HUS1: variants seen among roughly 807,000 people sequenced by gnomAD.
HUS1 encodes checkpoint protein HUS1.
A neutral mutation model predicts 32.6 loss-of-function variants in HUS1; 31 were observed. The ratio of observed to expected loss-of-function variants is 0.95; its 90% confidence interval spans 0.72 to 1.28. The LOEUF (loss-of-function observed/expected upper bound fraction) is 1.28, where lower values mean the gene tolerates loss of function less well. HUS1 is among the 50% of genes most tolerant of loss of function. HUS1 has a pLI of 0.00. For synonymous variants in HUS1, 123 were observed against 116.6 expected, an observed-to-expected ratio of 1.06 and a Z score of -0.36; for missense variants, 340 against 337.7, an observed-to-expected ratio of 1.01 and a Z score of -0.05.
intron 7 of HUS1, among the ~76,000 whole-genome samples, chr7:47,965,916 A>T (rs1788468484): frequency 6.6e-6 from 1 of 152,044 alleles, no homozygotes; most frequent in African/African-American, 2.4e-5. Context: ...AATCCAAGGC[A>T]TCAGGCATGC....
rs761494935 is a variant in HUS1 at position 47,979,420 on chromosome 7, C to G, written c.52+48G>C. The G allele has an allele frequency of 2.8e-5, 45 of 1,610,618 alleles. No homozygotes were observed. In the South Asian group the frequency reaches 4.7e-4, roughly 17 times the overall value. On this transcript the variant is annotated intron_variant, in intron 1 of 7. Coordinates refer to ENST00000258774, the MANE Select transcript of HUS1 (RefSeq NM_004507.4). ...CTGCGCGGTCCCCACCGCGCGCTCA[C>G]TGCTTCCTTCCGTTCCTCCCTCGCT...
chr7:47,979,346 C>A (rs1788777114), intron 1 of HUS1, 122 bp downstream of exon 1: 1 of 1,052,872 alleles, frequency 9.5e-7, no homozygotes, highest in South Asian at 1.4e-5. Context: ...CCCATCCCGG[C>A]CCCATCCTCC....
chr7:47,971,741 G>A (rs995908440), intron 5 of HUS1, among the ~76,000 whole-genome samples: 2 of 152,146 alleles, frequency 1.3e-5, no homozygotes, highest in Non-Finnish European at 2.9e-5. Flanking sequence ...GTGCCACCTA[G>A]CAACTGGTCT....
At chr7:47,975,580 T>G in intron 5 of HUS1, 33 bp downstream of exon 5, 1 of 1,440,916 alleles carries the variant, frequency 6.9e-7, no homozygotes, top group Non-Finnish European at 9.8e-7. Flanking sequence ...ACCAAATACT[T>G]CAGAGTTCTT....
At chr7:47,968,648 G>T (rs540501222) in intron 6 of HUS1, among the ~76,000 whole-genome samples, 2 of 152,320 alleles carry the variant, frequency 1.3e-5, no homozygotes, top group Admixed American at 1.3e-4. Context: ...CTACTGTGCA[G>T]CTGCCACTTT....
chr7:47,970,328 C>A (rs1004463366), intron 5 of HUS1, among the ~76,000 whole-genome samples: 1 of 149,858 alleles, frequency 6.7e-6, no homozygotes, highest in Admixed American at 6.7e-5. Flanking sequence ...CATGAGATGA[C>A]CAGAGAGCAC....
chr7:47,978,432 C>G lies in HUS1; in HGVS notation c.342G>C (p.Thr114=). ...TCCTACTCACCAGCTCCACGGAGAC[C>G]GTGAGGCAGGGAAAGTGTTTATTAG... The part of the protein sequence containing the change: ...KLTNKHFPCL[T]VSVELLSMSS... Residue 114 remains threonine (T), a synonymous_variant, in exon 3 of 8, where the codon ACG becomes ACC. Coordinates refer to ENST00000258774, the MANE Select transcript of HUS1 (RefSeq NM_004507.4). 6.2e-7 allele frequency: 1 copy of G among 1,614,062 alleles called. No homozygotes were observed. The highest frequency in any genetic ancestry group is 8.5e-7 in the Non-Finnish European group (1 of 1,179,904).
chr7:47,967,746 T>A (rs1236534224), intron 7 of HUS1, 60 bp downstream of exon 7: 2 of 1,455,438 alleles, frequency 1.4e-6, no homozygotes, highest in Non-Finnish European at 1.9e-6. Context: ...TAGACTAGAG[T>A]TGACTGCAGT....
At chr7:47,972,847 C>T (rs1455398968) in intron 5 of HUS1, among the ~76,000 whole-genome samples, 1 of 152,186 alleles carries the variant, frequency 6.6e-6, no homozygotes, top group East Asian at 1.9e-4. Flanking sequence ...CCCTGCAGAG[C>T]CGTTTCTCAG....
intron 4 of HUS1, chr7:47,976,125 T>C: frequency 2.9e-6 from 1 of 344,714 alleles, no homozygotes; most frequent in East Asian, 7.4e-5. Context: ...GCATCACATC[T>C]GAGACTGTTA....
chr7:47,976,725 C>A lies in HUS1; in HGVS notation c.465+5G>T. 1 of 1,544,328 alleles carries A rather than the reference C, an allele frequency of 6.5e-7. No homozygotes were observed. The highest frequency in any genetic ancestry group is 9.0e-7 in the Non-Finnish European group (1 of 1,116,652). On this transcript the variant is annotated splice_donor_5th_base_variant and intron_variant, in intron 4 of 7. Transcript: ENST00000258774. Reference sequence around the variant, plus strand: ...GTGTACAGCAGGACTGCAGGCATCACCTACATCAGGATCTGGGACCACCGG... The same window carrying A: ...GTGTACAGCAGGACTGCAGGCATCAACTACATCAGGATCTGGGACCACCGG...
At chr7:47,978,620 G>A (rs374106667) in intron 2 of HUS1, 27 bp from the exon 3 acceptor site, 6 of 1,613,346 alleles carry the variant, frequency 3.7e-6, no homozygotes, top group South Asian at 2.2e-5. Context: ...GAGGGATGAG[G>A]GAGGGTATAT....
chr7:47,979,202 G>A (rs939794068), intron 1 of HUS1, among the ~76,000 whole-genome samples: 1 of 152,076 alleles, frequency 6.6e-6, no homozygotes, highest in Non-Finnish European at 1.5e-5. Flanking sequence ...AGCAGTGGCC[G>A]CTTTTTTTTA....
chr7:47,974,779 G>GT (rs1788665801), intron 5 of HUS1, among the ~76,000 whole-genome samples: 2 of 152,274 alleles, frequency 1.3e-5, no homozygotes, highest in African/African-American at 2.4e-5. Context: ...GTCACACACT[G>GT]TAACATTTCG....
chr7:47,977,116 T>G (rs554256144), intron 3 of HUS1, among the ~76,000 whole-genome samples: 70 of 152,106 alleles, frequency 4.6e-4, no homozygotes, highest in African/African-American at 1.6e-3. Context: ...CAAATGAAAC[T>G]GTATGAAATG....
In HUS1 at chr7:47,978,758, A is replaced by C; in HGVS notation, c.111T>G (p.Asp37Glu). The change falls in exon 2 of 8, where the codon GAT becomes GAG. Residue 37 changes from aspartate (D) to glutamate (E), a missense_variant. By Grantham distance (45) the Asp-to-Glu change is conservative. Coordinates refer to ENST00000258774, the MANE Select transcript of HUS1 (RefSeq NM_004507.4). ...TGTCACAAAGGATGAAGTTAAGCTT[A>C]TCAGGGCTGATGCGGAGGGTGCAGG... ...AKTCTLRISP[D>E]KLNFILCDKL... 1.2e-6 allele frequency: 2 copies of C among 1,614,236 alleles called. No individual in the cohort carries two copies. Among genetic ancestry groups the C allele is most frequent in the Non-Finnish European group, 1.7e-6 (2 of 1,180,034 alleles).
chr7:47,966,782 G>A (rs903295727), intron 7 of HUS1, among the ~76,000 whole-genome samples: 2 of 152,068 alleles, frequency 1.3e-5, no homozygotes, highest in East Asian at 1.9e-4. Context: ...ATATGACATC[G>A]TCCATGTCAA....
At chr7:47,971,354 G>A (rs1193252525) in intron 5 of HUS1, 2 of 377,640 alleles carry the variant, frequency 5.3e-6, no homozygotes, top group East Asian at 1.6e-4. Flanking sequence ...CACACGCCCA[G>A]GCTACCAGAC....
chr7:47,977,652 G>C (rs148067662), intron 3 of HUS1, among the ~76,000 whole-genome samples: 267 of 152,326 alleles, frequency 1.8e-3, no homozygotes, highest in African/African-American at 6.3e-3. Flanking sequence ...AGCACTTTGG[G>C]AGGCCGAGGT....
Sources: allele counts gnomAD v4.1 joint callset (sites outside exome capture counted in the v4.1 genomes callset), GRCh38; gene constraint gnomAD v4.1.1; transcripts MANE v1.5; gene names NCBI Gene and HGNC (gene_info 2026-07-23, HGNC 2026-07-21).